The following IKZF3 variants were observed in gnomAD, a reference collection of about 807,000 sequenced individuals.
The protein encoded by IKZF3 is IKAROS family zinc finger 3.
A neutral mutation model predicts 49.0 loss-of-function variants in IKZF3; 10 were observed. That is an observed-to-expected ratio of 0.20 (90% CI 0.13 to 0.35). The LOEUF is 0.35. IKZF3 is among the 10% of genes least tolerant of loss of function. The probability of loss-of-function intolerance (pLI) is 1.00; values close to 1 mark genes in which losing one functional copy is unlikely to be tolerated. For synonymous variants in IKZF3, 209 were observed against 228.2 expected, an observed-to-expected ratio of 0.92 and a Z score of 0.76; for missense variants, 498 against 664.8, an observed-to-expected ratio of 0.75 and a Z score of 2.76.
chr17:39,851,790 T>C (rs936083532), intron 1 of IKZF3, among the ~76,000 whole-genome samples: 1 of 152,212 alleles, frequency 6.6e-6, no homozygotes, highest in Non-Finnish European at 1.5e-5. Flanking sequence ...ACTTTAATTA[T>C]ATGTTATTCC....
intron 6 of IKZF3, among the ~76,000 whole-genome samples, chr17:39,785,224 G>C (rs1247016154): frequency 6.6e-6 from 1 of 152,082 alleles, no homozygotes; most frequent in Non-Finnish European, 1.5e-5. Flanking sequence ...TTTGGCCTCA[G>C]GAAAAATTAT....
At chr17:39,783,644 G>A (rs1056107602) in intron 6 of IKZF3, among the ~76,000 whole-genome samples, 8 of 152,150 alleles carry the variant, frequency 5.3e-5, no homozygotes, top group African/African-American at 1.9e-4. Flanking sequence ...AAAAGAATAG[G>A]TTGGGGCCAA....
intron 5 of IKZF3, among the ~76,000 whole-genome samples, chr17:39,790,546 T>G (rs915906221): frequency 6.6e-6 from 1 of 152,112 alleles, no homozygotes; most frequent in South Asian, 2.1e-4. Flanking sequence ...TGAACTGACA[T>G]AAAAACAAGC....
chr17:39,811,235 T>TGAAAGAGAGAAAGAAA (rs1555633969), intron 3 of IKZF3, among the ~76,000 whole-genome samples: 1 of 141,332 alleles, frequency 7.1e-6, no homozygotes, highest in Non-Finnish European at 1.5e-5. Flanking sequence ...AGACCCTGTC[T>TGAAAGAGAGAAAGAAA]GAAAGAAAGA....
At chr17:39,807,204 G>A (rs1166997405) in intron 3 of IKZF3, among the ~76,000 whole-genome samples, 1 of 152,110 alleles carries the variant, frequency 6.6e-6, no homozygotes, top group Admixed American at 6.5e-5. Flanking sequence ...TAATATAGGG[G>A]TAGTTTCTTA....
chr17:39,850,332 C>T (rs1044179977), intron 1 of IKZF3, among the ~76,000 whole-genome samples: 36 of 132,520 alleles, frequency 2.7e-4, no homozygotes, highest in African/African-American at 1.0e-3. Flanking sequence ...TAATATATAG[C>T]ATATTATACA....
At chr17:39,804,708 C>G (rs2061396565) in intron 3 of IKZF3, among the ~76,000 whole-genome samples, 1 of 152,174 alleles carries the variant, frequency 6.6e-6, no homozygotes, top group Non-Finnish European at 1.5e-5. Context: ...CCTTCCTGCT[C>G]CACCATTTTG....
intron 7 of IKZF3, among the ~76,000 whole-genome samples, chr17:39,767,357 T>G (rs1186766603): frequency 2.0e-5 from 3 of 152,120 alleles, no homozygotes; most frequent in Non-Finnish European, 2.9e-5. Context: ...GTGGGTGTTG[T>G]GTGTTAGAAA....
Position 39,765,734 on chromosome 17 carries a change from C to G in IKZF3, c.*56G>C. ...TTGAGAGCAATCTGTTAGGCGAGGTCATTGGTTTTTAGAAACGATGCTGAA... is the reference window on the plus strand; with the variant it reads ...TTGAGAGCAATCTGTTAGGCGAGGTGATTGGTTTTTAGAAACGATGCTGAA... On this transcript the variant is annotated 3_prime_UTR_variant, in exon 8 of 8. Transcript: ENST00000346872. 13 of 1,330,816 alleles carry G rather than the reference C, an allele frequency of 9.8e-6. No homozygotes were observed. The highest frequency in any genetic ancestry group is 1.4e-5 in the Non-Finnish European group (13 of 955,636). 82.4% of individuals were successfully genotyped at this position (1,330,816 alleles called of 1,614,324 possible).
rs1226636450 is a variant in IKZF3 at position 39,758,826 on chromosome 17, A to G, written c.*6964T>C. The stretch of plus-strand genomic sequence containing the variant: ...TAGAGATCAGTTACCTCCATAATTC[A>G]TTTGTAAAGGAATTGCTATTATGAT... On this transcript the variant is annotated 3_prime_UTR_variant, in exon 8 of 8. Coordinates refer to ENST00000346872, the MANE Select transcript of IKZF3 (RefSeq NM_012481.5). 2 of 148,664 alleles carry G rather than the reference A, an allele frequency of 1.3e-5. No homozygotes were observed. Among genetic ancestry groups the G allele is most frequent in the Non-Finnish European group, 3.0e-5 (2 of 67,428 alleles). 9.2% of individuals were successfully genotyped at this position (148,664 alleles called of 1,614,324 possible).
Position 39,765,992 on chromosome 17 carries a change from T to C in IKZF3, c.1328A>G (p.Asn443Ser), listed in dbSNP as rs1048692971. Reference sequence around the variant, plus strand: ...CACATCCATCACCTCCCCTTCCTTGTTGATCACTTTGACGGAGTCTCTTGG... The same window carrying C: ...CACATCCATCACCTCCCCTTCCTTGCTGATCACTTTGACGGAGTCTCTTGG... Reference protein sequence around the residue: ...ICPRDSVKVINKEGEVMDVYR... With the variant: ...ICPRDSVKVISKEGEVMDVYR... Residue 443 changes from asparagine to serine, a missense_variant, in exon 8 of 8, where the codon AAC (asparagine) becomes AGC (serine). Asn to Ser is a conservative substitution (Grantham distance 46). This residue lies in a region of IKZF3 where 317 missense variants were observed against 397.3 expected (regional missense o/e 0.80). Transcript: ENST00000346872. 3 of 1,614,190 alleles carry C rather than the reference T, an allele frequency of 1.9e-6. No homozygotes were observed. Among genetic ancestry groups the C allele is most frequent in the Non-Finnish European group, 2.5e-6 (3 of 1,180,008 alleles).
At chr17:39,843,457 C>A (rs924774741) in intron 1 of IKZF3, among the ~76,000 whole-genome samples, 1 of 150,990 alleles carries the variant, frequency 6.6e-6, no homozygotes, top group East Asian at 1.9e-4. Flanking sequence ...AAAGAAAGAA[C>A]GAAAACTAGC....
chr17:39,780,711 G>A (rs2060720000), intron 6 of IKZF3, among the ~76,000 whole-genome samples: 1 of 151,988 alleles, frequency 6.6e-6, no homozygotes, highest in Admixed American at 6.6e-5. Context: ...GCTCTGCCAG[G>A]TGTGGTGGCA....
chr17:39,765,962 C>T lies in IKZF3; in HGVS notation c.1358G>A (p.Arg453Gln), dbSNP rs1340452514. Residue 453 changes from arginine (R) to glutamine (Q), a missense_variant, in exon 8 of 8, where the codon CGG becomes CAG. Transcript: ENST00000346872. ...GAAGAGGACGCGGCAGTGGTCACACCGATACACATCCATCACCTCCCCTTC... is the reference window on the plus strand; with the variant it reads ...GAAGAGGACGCGGCAGTGGTCACACTGATACACATCCATCACCTCCCCTTC... Reference protein sequence around the residue: ...NKEGEVMDVYRCDHCRVLFLD... With the variant: ...NKEGEVMDVYQCDHCRVLFLD... The T allele has an allele frequency of 1.2e-5, 19 of 1,614,190 alleles. No homozygotes were observed. Among genetic ancestry groups the T allele is most frequent in the South Asian group, 4.4e-5 (4 of 91,080 alleles).
intron 3 of IKZF3, among the ~76,000 whole-genome samples, chr17:39,798,819 T>C (rs1284604757): frequency 1.3e-5 from 2 of 152,148 alleles, no homozygotes; most frequent in African/African-American, 4.8e-5. Flanking sequence ...TCCTACACAT[T>C]TTTAAAGGTC....
At chr17:39,835,771 C>A in intron 1 of IKZF3, 1 of 508,476 alleles carries the variant, frequency 2.0e-6, no homozygotes, top group Non-Finnish European at 3.8e-6. Context: ...CCAGGTAAGA[C>A]TCCATCCAGC....
At chr17:39,779,369 G>A (rs1004827232) in intron 6 of IKZF3, among the ~76,000 whole-genome samples, 1 of 152,270 alleles carries the variant, frequency 6.6e-6, no homozygotes, top group African/African-American at 2.4e-5. Flanking sequence ...GCTGAGGCCG[G>A]AGAATCGCTT....
chr17:39,793,619 G>A (rs753402500), intron 3 of IKZF3, among the ~76,000 whole-genome samples: 35 of 152,194 alleles, frequency 2.3e-4, no homozygotes, highest in African/African-American at 3.4e-4. Context: ...CACTTTCATC[G>A]ACACAGGTAA....
At chr17:39,822,372 C>A (rs560533814) in intron 3 of IKZF3, among the ~76,000 whole-genome samples, 2 of 152,030 alleles carry the variant, frequency 1.3e-5, no homozygotes, top group Non-Finnish European at 2.9e-5. Context: ...ATGCTGTTCT[C>A]GTGACAGTGA....
Sources: gnomAD v4.1 joint callset for allele counts (sites outside exome capture counted in the v4.1 genomes callset) on GRCh38, gnomAD v4.1.1 for gene constraint, gnomAD v4.1.1 regional missense constraint, MANE v1.5 for transcripts, NCBI Gene and HGNC (gene_info 2026-07-23, HGNC 2026-07-21) for gene names.